SPTLC3: variants seen among roughly 807,000 people sequenced by gnomAD.
The protein encoded by SPTLC3 is serine palmitoyltransferase 3.
Under a neutral mutation model 59.3 loss-of-function variants are expected in SPTLC3, and 36 were observed. The observed-to-expected ratio is 0.61, with a 90% confidence interval of 0.47 to 0.80. SPTLC3 has a LOEUF of 0.80. Ranked by LOEUF, SPTLC3 falls within the 30% of genes least tolerant of loss-of-function variation. The pLI is 0.00. For synonymous variants in SPTLC3, 257 were observed against 240.8 expected (o/e 1.07, Z -0.62); for missense variants, 625 against 685.1 (o/e 0.91, Z 0.98).
intron 9 of SPTLC3, among the ~76,000 whole-genome samples, chr20:13,148,529 C>T (rs1327130673): frequency 6.6e-6 from 1 of 152,190 alleles, no homozygotes; most frequent in Non-Finnish European, 1.5e-5. Context: ...AACCTGAGCA[C>T]TCAGGAACTG....
chr20:13,153,319 C>T (rs2038692346), intron 9 of SPTLC3, among the ~76,000 whole-genome samples: 1 of 152,122 alleles, frequency 6.6e-6, no homozygotes, highest in Non-Finnish European at 1.5e-5. Context: ...GCTGAAGCAC[C>T]AATAACCTTG....
chr20:13,121,846 T>A (rs6078924), intron 8 of SPTLC3, among the ~76,000 whole-genome samples: 28,030 of 152,096 alleles, frequency 0.18, 3,053 homozygotes, highest in Middle Eastern at 0.33. Context: ...GGCAAGATAG[T>A]CTTAACATTA....
intron 1 of SPTLC3, among the ~76,000 whole-genome samples, chr20:13,032,658 A>G (rs899659501): frequency 6.6e-6 from 1 of 151,914 alleles, no homozygotes; most frequent in East Asian, 1.9e-4. Flanking sequence ...TCATTCACTC[A>G]TTTCTTCAGC....
intron 6 of SPTLC3, among the ~76,000 whole-genome samples, chr20:13,107,870 T>C (rs1989993580): frequency 1.3e-5 from 2 of 152,126 alleles, no homozygotes; most frequent in African/African-American, 4.8e-5. Flanking sequence ...TAAGGCTTTA[T>C]ATATTTGAAT....
intron 1 of SPTLC3, among the ~76,000 whole-genome samples, chr20:13,027,597 G>GA (rs1986214156): frequency 6.7e-6 from 1 of 149,574 alleles, no homozygotes; most frequent in Admixed American, 6.7e-5. Flanking sequence ...AGGAAGGAAG[G>GA]AAAAAAATCA....
chr20:13,159,895 A>G (rs2038857708), intron 10 of SPTLC3, 108 bp from the exon 11 acceptor site: 2 of 1,399,092 alleles, frequency 1.4e-6, no homozygotes, highest in Admixed American at 4.7e-5. Context: ...ATAAAAAAGA[A>G]AAAAGAAAAA....
intron 6 of SPTLC3, among the ~76,000 whole-genome samples, chr20:13,094,365 C>G (rs187978718): frequency 6.6e-6 from 1 of 151,988 alleles, no homozygotes; most frequent in Admixed American, 6.6e-5. Flanking sequence ...TGGAAAATTC[C>G]CTTCTTTCTG....
intron 1 of SPTLC3, among the ~76,000 whole-genome samples, chr20:13,041,147 C>A (rs1462730714): frequency 2.6e-5 from 4 of 152,122 alleles, no homozygotes; most frequent in Non-Finnish European, 5.9e-5. Flanking sequence ...GAGTTTTCAG[C>A]CAATATTTAT....
chr20:13,059,349 C>G (rs6105029), intron 2 of SPTLC3, among the ~76,000 whole-genome samples: 1 of 151,990 alleles, frequency 6.6e-6, no homozygotes, highest in African/African-American at 2.4e-5. Context: ...CTAGAACTCT[C>G]AGACCCAGCC....
intron 6 of SPTLC3, among the ~76,000 whole-genome samples, chr20:13,101,807 C>T (rs1003187423): frequency 2.0e-5 from 3 of 152,186 alleles, no homozygotes; most frequent in African/African-American, 7.2e-5. Flanking sequence ...ATCCTGCATT[C>T]TGACAAGCTC....
At chr20:13,025,769 G>A (rs1986112098) in intron 1 of SPTLC3, among the ~76,000 whole-genome samples, 1 of 152,044 alleles carries the variant, frequency 6.6e-6, no homozygotes, top group African/African-American at 2.4e-5. Context: ...ACATGCACAG[G>A]CCTGTTATAT....
At chr20:13,126,838 A>C in intron 9 of SPTLC3, 121 bp downstream of exon 9, 1 of 1,335,312 alleles carries the variant, frequency 7.5e-7, no homozygotes, top group Non-Finnish European at 9.9e-7. Flanking sequence ...AAATCAAGCC[A>C]TGTGATAAAT....
At chr20:13,047,150 A>T (rs537967302) in intron 1 of SPTLC3, among the ~76,000 whole-genome samples, 22 of 152,340 alleles carry the variant, frequency 1.4e-4, no homozygotes, top group African/African-American at 5.3e-4. Flanking sequence ...TAATGTAGAG[A>T]TTTAAAATAT....
intron 1 of SPTLC3, among the ~76,000 whole-genome samples, chr20:13,031,756 AC>A (rs1986475355): frequency 1.3e-5 from 2 of 151,390 alleles, no homozygotes; most frequent in Non-Finnish European, 3.0e-5. Flanking sequence ...ACTAGTATTC[AC>A]CTGAGATGGA....
At chr20:13,064,692 TTTTC>T (rs1317559569) in intron 2 of SPTLC3, among the ~76,000 whole-genome samples, 6 of 152,230 alleles carry the variant, frequency 3.9e-5, no homozygotes, top group African/African-American at 1.4e-4. Flanking sequence ...TTCTTTAAGA[TTTTC>T]TTTCTGTGTA....
chr20:13,145,259 G>A (rs554186536), intron 9 of SPTLC3, among the ~76,000 whole-genome samples: 2 of 152,076 alleles, frequency 1.3e-5, no homozygotes, highest in East Asian at 3.9e-4. Context: ...TGGCCCCAAA[G>A]CCCCTCAGCT....
intron 6 of SPTLC3, among the ~76,000 whole-genome samples, chr20:13,109,179 T>G (rs530549919): frequency 1.7e-3 from 254 of 152,368 alleles, no homozygotes; most frequent in South Asian, 3.9e-3. Flanking sequence ...CAACCTCTGA[T>G]AGCAGATAAA....
chr20:13,048,282 G>A (rs1600229868), intron 1 of SPTLC3, among the ~76,000 whole-genome samples: 1 of 152,210 alleles, frequency 6.6e-6, no homozygotes, highest in African/African-American at 2.4e-5. Flanking sequence ...AAAAATTAAA[G>A]AAAGAAAACA....
intron 9 of SPTLC3, among the ~76,000 whole-genome samples, chr20:13,145,660 A>G (rs1055647151): frequency 6.6e-6 from 1 of 152,228 alleles, no homozygotes; most frequent in Non-Finnish European, 1.5e-5. Flanking sequence ...ATATGGAACC[A>G]AAAAAGAGCA....
Sources: gnomAD v4.1 joint callset for allele counts (sites outside exome capture counted in the v4.1 genomes callset) on GRCh38, gnomAD v4.1.1 for gene constraint, MANE v1.5 for transcripts, NCBI Gene and HGNC (gene_info 2026-07-23, HGNC 2026-07-21) for gene names.